SCN3A: variants seen among roughly 807,000 people sequenced by gnomAD.
The protein encoded by SCN3A is sodium voltage-gated channel alpha subunit 3, also known as sodium channel protein type 3 subunit alpha.
A neutral mutation model predicts 187.6 loss-of-function variants in SCN3A; 60 were observed. That is an observed-to-expected ratio of 0.32 (90% CI 0.26 to 0.40). The LOEUF (loss-of-function observed/expected upper bound fraction) is 0.40, where lower values mean the gene tolerates loss of function less well. SCN3A is among the 10% of genes least tolerant of loss of function. The pLI is 1.00. For missense variants in SCN3A, 1,601 were observed against 2,428.2 expected (o/e 0.66, Z 7.16); for synonymous variants, 788 against 829.2 (o/e 0.95, Z 0.85).
At chr2:165,188,486 T>G (rs778514780) in intron 1 of SCN3A, among the ~76,000 whole-genome samples, 10 of 152,144 alleles carry the variant, frequency 6.6e-5, no homozygotes, top group Non-Finnish European at 1.2e-4. Context: ...TGAACTTCAG[T>G]GAGCATAAGA....
At chr2:165,118,838 C>T (rs1176166836) in intron 18 of SCN3A, among the ~76,000 whole-genome samples, 1 of 152,172 alleles carries the variant, frequency 6.6e-6, no homozygotes, top group Non-Finnish European at 1.5e-5. Flanking sequence ...TCTCGGCTCA[C>T]TGCAAGCTCC....
chr2:165,177,528 G>C (rs1044200224), intron 2 of SCN3A, among the ~76,000 whole-genome samples: 8 of 152,036 alleles, frequency 5.3e-5, no homozygotes, highest in Non-Finnish European at 7.4e-5. Context: ...CTCTTTTATG[G>C]TTTCAGGCAT....
chr2:165,135,098 G>A (rs541719882), intron 15 of SCN3A, among the ~76,000 whole-genome samples: 1 of 151,944 alleles, frequency 6.6e-6, no homozygotes. Flanking sequence ...TTTTAATCTA[G>A]TTTCAGCATT....
rs1043441304 is a variant in SCN3A at position 165,088,955 on chromosome 2, A to C, written c.*1195T>G. On this transcript the variant is annotated 3_prime_UTR_variant, in exon 28 of 28. Transcript: ENST00000283254. Reference sequence around the variant, plus strand: ...AGCTTCAAATTATTCTGCTTGACATAATGGACAGAGCAGGTTGAATTCATT... The same window carrying C: ...AGCTTCAAATTATTCTGCTTGACATCATGGACAGAGCAGGTTGAATTCATT... The C allele has an allele frequency of 6.6e-6, 1 of 152,588 alleles. No individual in the cohort carries two copies. The highest frequency in any genetic ancestry group is 1.5e-5 in the Non-Finnish European group (1 of 67,996). The allele number at this position is 152,588 out of a possible 1,614,324, so 9.5% of individuals were successfully genotyped here.
At chr2:165,091,438 GT>G in intron 27 of SCN3A, 93 bp from the exon 28 acceptor site, 1 of 1,429,026 alleles carries the variant, frequency 7.0e-7, no homozygotes, top group South Asian at 1.2e-5. Flanking sequence ...CAACAAACTT[GT>G]TATGAATATG....
chr2:165,111,577 A>C (rs542531688), intron 21 of SCN3A, among the ~76,000 whole-genome samples: 1 of 150,656 alleles, frequency 6.6e-6, no homozygotes, highest in Non-Finnish European at 1.5e-5. Flanking sequence ...AGTTAGGCAG[A>C]AAATCTATGA....
chr2:165,134,561 T>G (rs903217779), intron 15 of SCN3A, among the ~76,000 whole-genome samples: 2 of 152,160 alleles, frequency 1.3e-5, no homozygotes, highest in Non-Finnish European at 2.9e-5. Flanking sequence ...AGTCATCCAT[T>G]CACTCAAATA....
At chr2:165,139,760 G>T (rs1687886738) in intron 13 of SCN3A, 152 bp from the exon 14 acceptor site, 4 of 783,476 alleles carry the variant, frequency 5.1e-6, no homozygotes, top group Non-Finnish European at 3.8e-6. Flanking sequence ...GTTATAAACA[G>T]TTTTTTTTTT....
chr2:165,135,696 A>T (rs1478484345), intron 15 of SCN3A, among the ~76,000 whole-genome samples: 1 of 152,136 alleles, frequency 6.6e-6, no homozygotes, highest in Non-Finnish European at 1.5e-5. Context: ...AGGAAATTCT[A>T]TGGGTAGATA....
intron 26 of SCN3A, chr2:165,093,569 A>G (rs1685215480): frequency 6.6e-6 from 1 of 152,220 alleles, no homozygotes; most frequent in African/African-American, 2.4e-5. Context: ...TGGCTTACCA[A>G]AAATCAAAGG....
chr2:165,120,381 A>G (rs1686595735), intron 18 of SCN3A, among the ~76,000 whole-genome samples: 2 of 151,960 alleles, frequency 1.3e-5, no homozygotes, highest in South Asian at 4.2e-4. Context: ...CCCCCATATG[A>G]CAAATATTGC....
chr2:165,116,743 T>C (rs946058029), intron 18 of SCN3A, among the ~76,000 whole-genome samples: 1 of 152,150 alleles, frequency 6.6e-6, no homozygotes, highest in African/African-American at 2.4e-5. Flanking sequence ...TAAAGGGTAG[T>C]ATCCAGATGA....
intron 3 of SCN3A, among the ~76,000 whole-genome samples, chr2:165,175,111 T>C (rs1690369166): frequency 6.6e-6 from 1 of 152,186 alleles, no homozygotes; most frequent in Non-Finnish European, 1.5e-5. Context: ...TGTCATTGCC[T>C]TTAGCCATCA....
At chr2:165,165,007 T>C (rs1161637940) in intron 5 of SCN3A, among the ~76,000 whole-genome samples, 2 of 152,202 alleles carry the variant, frequency 1.3e-5, no homozygotes, top group East Asian at 3.8e-4. Context: ...ATGTGGCTAG[T>C]GGCTTCCTCA....
intron 18 of SCN3A, among the ~76,000 whole-genome samples, chr2:165,120,886 T>C (rs1243793774): frequency 2.0e-5 from 3 of 151,850 alleles, no homozygotes; most frequent in African/African-American, 7.3e-5. Flanking sequence ...ATATTAAATG[T>C]ACAACATCCC....
At chr2:165,195,462 G>A (rs1339223570) in intron 1 of SCN3A, 1 of 152,146 alleles carries the variant, frequency 6.6e-6, no homozygotes, top group Non-Finnish European at 1.5e-5. Flanking sequence ...TTACAGAAAA[G>A]TCTATCAGAA....
intron 2 of SCN3A, among the ~76,000 whole-genome samples, chr2:165,180,086 A>G (rs552930479): frequency 5.9e-5 from 9 of 152,300 alleles, no homozygotes; most frequent in African/African-American, 2.2e-4. Context: ...CTCTTTAACT[A>G]AAAACCAAAA....
At position 165,170,489 on chromosome 2, in the gene SCN3A, C is replaced by T. The variant is rs1311693375; in HGVS notation, c.324G>A (p.Leu108=). ...AIFRFSATSA[L]YILTPLNPVR... is the part of the protein sequence containing the mutation. Reference sequence around the variant, plus strand: ...CAGGGTTTAGTGGAGTTAAAATATACAAGGCAGAGGTGGCACTGAATCGGA... The same window carrying T: ...CAGGGTTTAGTGGAGTTAAAATATATAAGGCAGAGGTGGCACTGAATCGGA... The change falls in exon 4 of 28, where the codon TTG becomes TTA. Residue 108 remains leucine, a synonymous_variant. Transcript: ENST00000283254. 6.2e-7 allele frequency: 1 copy of T among 1,611,642 alleles called. No homozygotes were observed. The highest frequency in any genetic ancestry group is 1.7e-5 in the Admixed American group (1 of 59,818).
chr2:165,103,734 A>G (rs182942111), intron 21 of SCN3A, among the ~76,000 whole-genome samples: 123 of 152,290 alleles, frequency 8.1e-4, no homozygotes, highest in Non-Finnish European at 5.0e-4. Flanking sequence ...GAACCAAACA[A>G]CAGGAATTTT....
Sources: allele counts gnomAD v4.1 joint callset (sites outside exome capture counted in the v4.1 genomes callset), GRCh38; gene constraint gnomAD v4.1.1; transcripts MANE v1.5; gene names NCBI Gene and HGNC (gene_info 2026-07-23, HGNC 2026-07-21).